OR9K2: variants seen among roughly 807,000 people sequenced by gnomAD.
OR9K2 encodes the protein olfactory receptor family 9 subfamily K member 2, also known as olfactory receptor 9K2.
In OR9K2, 16 loss-of-function variants were observed where a neutral mutation model predicts 12.4. That is an observed-to-expected ratio of 1.29 (90% CI 0.87 to 1.95). OR9K2 has a LOEUF of 1.95. OR9K2 is among the 30% of genes most tolerant of loss of function. The pLI is 0.00. For missense variants in OR9K2, 434 were observed against 376.5 expected, an observed-to-expected ratio of 1.15 and a Z score of -1.26; for synonymous variants, 133 against 133.2, an observed-to-expected ratio of 1.00 and a Z score of 0.01.
At chr12:55,129,674 C>A in intron 2 of OR9K2, 152 bp from the exon 3 acceptor site, 1 of 846,524 alleles carries the variant, frequency 1.2e-6, no homozygotes, top group Non-Finnish European at 1.8e-6. Context: ...AATTGATTGG[C>A]TTTAAGTCAC....
Position 55,126,813 on chromosome 12 carries a change from G to A in OR9K2, c.-93-15G>A, listed in dbSNP as rs1015707037. On this transcript the variant is annotated splice_polypyrimidine_tract_variant and intron_variant, in intron 1 of 2. Transcript: ENST00000641329. ...TATGACAGTCATTAATTAACTTTATGTTTATCCTTTCTAGAATTAAAACAA... is the reference window on the plus strand; with the variant it reads ...TATGACAGTCATTAATTAACTTTATATTTATCCTTTCTAGAATTAAAACAA... 8 of 151,948 alleles carry A rather than the reference G, an allele frequency of 5.3e-5. No homozygotes were observed. The highest frequency in any genetic ancestry group is 1.2e-4 in the Non-Finnish European group (8 of 67,952). The allele number at this position is 151,948 out of a possible 1,614,324, so 9.4% of individuals were successfully genotyped here. A position where few individuals can be genotyped will look rare whatever the true frequency, so the allele number is the denominator to read the frequency against.
chr12:55,129,680 G>T, intron 2 of OR9K2, 146 bp from the exon 3 acceptor site: 1 of 889,714 alleles, frequency 1.1e-6, no homozygotes, highest in East Asian at 2.6e-5. Context: ...TTGGCTTTAA[G>T]TCACAGTATA....
Position 55,127,122 on chromosome 12 carries a change from A to G in OR9K2, c.-10+211A>G, listed in dbSNP as rs140446194. On this transcript the variant is annotated intron_variant, in intron 2 of 2. Coordinates refer to ENST00000641329, the MANE Select transcript of OR9K2 (RefSeq NM_001005243.2). ...TTTTTTATATTCTCTGATTCCACATACTCATTATCATTCAGCTTTTTTCTA... is the reference window on the plus strand; with the variant it reads ...TTTTTTATATTCTCTGATTCCACATGCTCATTATCATTCAGCTTTTTTCTA... Among the ~76,000 whole-genome samples, 240 of 151,890 alleles carry G rather than the reference A, an allele frequency of 1.6e-3. 1 individual carries two copies. Among genetic ancestry groups the G allele is most frequent in the African/African-American group, 5.7e-3 (235 of 41,486 alleles).
intron 2 of OR9K2, among the ~76,000 whole-genome samples, chr12:55,127,408 A>T (rs1025973037): frequency 6.6e-6 from 1 of 151,942 alleles, no homozygotes; most frequent in African/African-American, 2.4e-5. Context: ...ATGATTTTTC[A>T]TGCTGACTTC....
rs1953472353 is a variant in OR9K2 at position 55,131,390 on chromosome 12, C to A, written c.*614C>A. On this transcript the variant is annotated 3_prime_UTR_variant, in exon 3 of 3. Transcript: ENST00000641329. The stretch of plus-strand genomic sequence containing the variant: ...TACTGCTAGTTGCTGAATCCCAGTG[C>A]AAAGAACTAAAATAGGAAATAGAGA... 6.6e-6 allele frequency: 1 copy of A among 152,084 alleles called. No homozygotes were observed. Among genetic ancestry groups the A allele is most frequent in the Admixed American group, 6.6e-5 (1 of 15,246 alleles). 9.4% of individuals were successfully genotyped at this position (152,084 alleles called of 1,614,324 possible).
At position 55,130,633 on chromosome 12, in the gene OR9K2, A is replaced by G; in HGVS notation, c.799A>G (p.Arg267Gly). ...AVFFMYLTPDRFPELSKVASL... is the reference protein window; with the variant it reads ...AVFFMYLTPDGFPELSKVASL... ...CTTTTTTATGTATCTCACTCCTGACAGATTTCCTGAGCTGAGTAAAGTGGC... is the reference window on the plus strand; with the variant it reads ...CTTTTTTATGTATCTCACTCCTGACGGATTTCCTGAGCTGAGTAAAGTGGC... The change falls in exon 3 of 3, where the codon AGA becomes GGA. Residue 267 changes from arginine to glycine, a missense_variant. Transcript: ENST00000641329. The G allele has an allele frequency of 1.2e-6, 2 of 1,613,894 alleles. No individual in the cohort carries two copies. Among genetic ancestry groups the G allele is most frequent in the East Asian group, 2.2e-5 (1 of 44,868 alleles).
chr12:55,129,926 T>A lies in OR9K2; in HGVS notation c.92T>A (p.Phe31Tyr), dbSNP rs557166183. 2.3e-5 allele frequency: 37 copies of A among 1,614,068 alleles called. 1 individual carries two copies. In the South Asian group the frequency reaches 3.3e-4, roughly 14 times the overall value. Residue 31 changes from phenylalanine (F) to tyrosine (Y), a missense_variant, in exon 3 of 3, where the codon TTC becomes TAC. Phe to Tyr is a conservative substitution (Grantham distance 22). Coordinates refer to ENST00000641329, the MANE Select transcript of OR9K2 (RefSeq NM_001005243.2). ...CGCCCAGAGCTCCACATTCTCCTCT[T>A]CCTGCTATTTTTGTTTGTTTATGCC... Reference protein sequence around the residue: ...RVRPELHILLFLLFLFVYAMI... With the variant: ...RVRPELHILLYLLFLFVYAMI...
rs752509940 is a variant in OR9K2 at position 55,130,247 on chromosome 12, A to G, written c.413A>G (p.Gln138Arg). ...TGCAACCCTCTGCTCTACTCTGTTC[A>G]AATGTCCACACGTCTGTGTACTCAG... is the stretch of plus-strand genomic sequence containing the variant. ...AICNPLLYSV[Q>R]MSTRLCTQLV... Residue 138 changes from glutamine (Q) to arginine (R), a missense_variant, in exon 3 of 3, where the codon CAA (glutamine) becomes CGA (arginine). Coordinates refer to ENST00000641329, the MANE Select transcript of OR9K2 (RefSeq NM_001005243.2). 1.2e-5 allele frequency: 19 copies of G among 1,614,034 alleles called. No homozygotes were observed. The highest frequency in any genetic ancestry group is 1.6e-5 in the Non-Finnish European group (19 of 1,179,986).
In OR9K2 at chr12:55,130,849, T is replaced by C; in HGVS notation, c.*73T>C. On this transcript the variant is annotated 3_prime_UTR_variant, in exon 3 of 3. Transcript: ENST00000641329. ...ACCTGTGTTCATTAATAAAAGTTAC[T>C]CTCCCGAATGTCATAAAAATACTCT... 1 of 854,634 alleles carries C rather than the reference T, an allele frequency of 1.2e-6. No homozygotes were observed. Among genetic ancestry groups the C allele is most frequent in the Non-Finnish European group, 1.8e-6 (1 of 560,798 alleles). 52.9% of individuals were successfully genotyped at this position (854,634 alleles called of 1,614,324 possible).
At chr12:55,128,827 T>G (rs897656065) in intron 2 of OR9K2, among the ~76,000 whole-genome samples, 1 of 152,166 alleles carries the variant, frequency 6.6e-6, no homozygotes, top group Non-Finnish European at 1.5e-5. Flanking sequence ...TGCCCCCATA[T>G]GTATCCTTTG....
In OR9K2 at chr12:55,132,338, A is replaced by T. The variant is rs1953480622; in HGVS notation, c.*1562A>T. ...CCCTAGTACTTCAGAATGTGACTTT[A>T]ATTAGTGATAGGGTCTTCAAAGATG... On this transcript the variant is annotated 3_prime_UTR_variant, in exon 3 of 3. Transcript: ENST00000641329. The T allele has an allele frequency of 6.6e-6, 1 of 152,218 alleles. No homozygotes were observed. The highest frequency in any genetic ancestry group is 2.4e-5 in the African/African-American group (1 of 41,456). The allele number at this position is 152,218 out of a possible 1,614,324, so 9.4% of individuals were successfully genotyped here.
chr12:55,130,406 C>A lies in OR9K2; in HGVS notation c.572C>A (p.Ser191Tyr). The change falls in exon 3 of 3, where the codon TCT (serine) becomes TAT (tyrosine). Residue 191 changes from serine (S) to tyrosine (Y), a missense_variant. Ser to Tyr is a moderately radical substitution (Grantham distance 144). Coordinates refer to ENST00000641329, the MANE Select transcript of OR9K2 (RefSeq NM_001005243.2). ...GATTCTCGCCCACTTCAGAGACTGT[C>A]TTGTTCTGATCTCTTTATCCATAGA... Reference protein sequence around the residue: ...YCDSRPLQRLSCSDLFIHRMI... With the variant: ...YCDSRPLQRLYCSDLFIHRMI... 6.2e-7 allele frequency: 1 copy of A among 1,613,974 alleles called. No homozygotes were observed. Among genetic ancestry groups the A allele is most frequent in the South Asian group, 1.1e-5 (1 of 91,080 alleles).
Sources: gnomAD v4.1 joint callset for allele counts (sites outside exome capture counted in the v4.1 genomes callset) on GRCh38, gnomAD v4.1.1 for gene constraint, MANE v1.5 for transcripts, NCBI Gene and HGNC (gene_info 2026-07-23, HGNC 2026-07-21) for gene names.